Variants in STXBP5L observed in about 807,000 individuals in gnomAD.
The protein encoded by STXBP5L is syntaxin binding protein 5L.
STXBP5L carries 65 observed loss-of-function variants against 144.5 expected under a neutral mutation model. The observed-to-expected ratio is 0.45, with a 90% CI of 0.37 to 0.55. STXBP5L has a LOEUF of 0.55. STXBP5L is among the 20% of genes least tolerant of loss of function. The pLI is 0.00. For synonymous variants in STXBP5L, 505 were observed against 469.6 expected (o/e 1.08, Z -0.97); for missense variants, 1,298 against 1,405.5 (o/e 0.92, Z 1.22).
At chr3:121,312,179 T>C (rs1204630431) in intron 19 of STXBP5L, among the ~76,000 whole-genome samples, 2 of 152,110 alleles carry the variant, frequency 1.3e-5, no homozygotes, top group African/African-American at 2.4e-5. Flanking sequence ...TTACACCTTA[T>C]ATAAAAATTA....
chr3:120,963,580 A>G (rs186199493), intron 3 of STXBP5L, among the ~76,000 whole-genome samples: 9 of 152,206 alleles, frequency 5.9e-5, no homozygotes, highest in African/African-American at 2.2e-4. Flanking sequence ...ATGTTTATTG[A>G]TTTGCATATG....
chr3:121,381,217 T>TTA, intron 21 of STXBP5L, 76 bp from the exon 22 acceptor site: 2 of 1,390,760 alleles, frequency 1.4e-6, no homozygotes, highest in Non-Finnish European at 1.9e-6. Context: ...TAATTTTGAT[T>TTA]TATATATATT....
At chr3:120,964,293 A>T (rs537173494) in intron 3 of STXBP5L, among the ~76,000 whole-genome samples, 1 of 151,958 alleles carries the variant, frequency 6.6e-6, no homozygotes, top group Non-Finnish European at 1.5e-5. Flanking sequence ...CTCTGATCTT[A>T]GTTATTTCTT....
chr3:121,113,243 C>T (rs893708852), intron 5 of STXBP5L, among the ~76,000 whole-genome samples: 1 of 152,000 alleles, frequency 6.6e-6, no homozygotes, highest in Non-Finnish European at 1.5e-5. Flanking sequence ...ATATTTATGT[C>T]TTCTTTAATG....
intron 18 of STXBP5L, among the ~76,000 whole-genome samples, chr3:121,275,693 T>G (rs2050859906): frequency 1.3e-5 from 2 of 152,154 alleles, no homozygotes. Flanking sequence ...TTGGTTTTCA[T>G]GAATTTTGAA....
At chr3:120,912,727 C>T (rs1300027654) in intron 2 of STXBP5L, among the ~76,000 whole-genome samples, 1 of 151,862 alleles carries the variant, frequency 6.6e-6, no homozygotes, top group Non-Finnish European at 1.5e-5. Context: ...CATGAACTGC[C>T]TTTCCTGAAC....
chr3:121,153,528 T>G (rs2046004743), intron 8 of STXBP5L, among the ~76,000 whole-genome samples: 1 of 152,006 alleles, frequency 6.6e-6, no homozygotes, highest in African/African-American at 2.4e-5. Context: ...TTTAGAACAC[T>G]TCCTTATTTT....
intron 18 of STXBP5L, among the ~76,000 whole-genome samples, chr3:121,268,966 C>T (rs2050658017): frequency 6.6e-6 from 1 of 152,102 alleles, no homozygotes; most frequent in Non-Finnish European, 1.5e-5. Flanking sequence ...AGGTCTTTAT[C>T]ATTCTTCTTC....
chr3:121,422,226 G>A lies in STXBP5L; in HGVS notation c.*3129G>A, dbSNP rs570818948. 6 of 151,874 alleles carry A rather than the reference G, an allele frequency of 4.0e-5. No individual in the cohort carries two copies. Among genetic ancestry groups the A allele is most frequent in the South Asian group, 4.2e-4 (2 of 4,790 alleles). 9.4% of individuals were successfully genotyped at this position (151,874 alleles called of 1,614,324 possible). ...ATCTTTACTATCTTTCTTCTATTTC[G>A]GAACATAAGAAAAATACTCCTAATA... On this transcript the variant is annotated 3_prime_UTR_variant, in exon 27 of 27. Coordinates refer to ENST00000471454, the MANE Select transcript of STXBP5L (RefSeq NM_001308330.2).
intron 20 of STXBP5L, among the ~76,000 whole-genome samples, chr3:121,345,661 C>A (rs543206887): frequency 6.6e-6 from 1 of 152,094 alleles, no homozygotes; most frequent in Non-Finnish European, 1.5e-5. Flanking sequence ...CACATCCTCT[C>A]CAGCATCTGT....
intron 3 of STXBP5L, among the ~76,000 whole-genome samples, chr3:121,011,096 A>T (rs1390469894): frequency 2.0e-5 from 3 of 149,108 alleles, no homozygotes; most frequent in Admixed American, 1.4e-4. Flanking sequence ...GAGTTTCAGG[A>T]CTGCTTTCTT....
rs1708724822 is a variant in STXBP5L, at chr3:120,909,681, G to C, written c.103G>C (p.Gly35Arg). 1.2e-6 allele frequency: 2 copies of C among 1,612,970 alleles called. No individual in the cohort carries two copies. Among genetic ancestry groups the C allele is most frequent in the Non-Finnish European group, 1.7e-6 (2 of 1,179,704 alleles). ...GSNSGGGAGS[G>R]SVHPAGTAGV... Reference sequence around the variant, plus strand: ...TAACAGTGGTGGTGGGGCTGGAAGTGGTTCCGTACATCCGGCGGGGACTGC... The same window carrying C: ...TAACAGTGGTGGTGGGGCTGGAAGTCGTTCCGTACATCCGGCGGGGACTGC... The change falls in exon 2 of 27, where the codon GGT becomes CGT. Residue 35 changes from glycine (G) to arginine (R), a missense_variant. Gly to Arg is a moderately radical substitution (Grantham distance 125). Transcript: ENST00000471454.
intron 5 of STXBP5L, chr3:121,099,894 G>A (rs1443731087): frequency 1.3e-5 from 2 of 152,102 alleles, no homozygotes; most frequent in Non-Finnish European, 2.9e-5. Flanking sequence ...AGGCTCAAAG[G>A]AAAGGGTTGG....
At chr3:121,140,895 A>G (rs1411304535) in intron 7 of STXBP5L, among the ~76,000 whole-genome samples, 1 of 151,868 alleles carries the variant, frequency 6.6e-6, no homozygotes, top group African/African-American at 2.4e-5. Flanking sequence ...ATGTTATGTG[A>G]TCTTATCACA....
At chr3:121,216,905 C>T (rs2048797096) in intron 10 of STXBP5L, among the ~76,000 whole-genome samples, 1 of 151,514 alleles carries the variant, frequency 6.6e-6, no homozygotes, top group Admixed American at 6.6e-5. Flanking sequence ...CTAGGGAAGC[C>T]CTCTGGCTAC....
chr3:120,938,213 A>T (rs1710368427), intron 2 of STXBP5L, among the ~76,000 whole-genome samples: 1 of 152,102 alleles, frequency 6.6e-6, no homozygotes, highest in African/African-American at 2.4e-5. Flanking sequence ...TCTTCTTGGT[A>T]ATATTTCTAC....
chr3:121,214,127 A>G (rs556133770), intron 10 of STXBP5L, among the ~76,000 whole-genome samples: 3 of 152,076 alleles, frequency 2.0e-5, no homozygotes, highest in Non-Finnish European at 4.4e-5. Flanking sequence ...CTAGTTGTCT[A>G]TGTATTTTGT....
At chr3:121,199,075 A>G (rs1477397519) in intron 9 of STXBP5L, among the ~76,000 whole-genome samples, 2 of 152,216 alleles carry the variant, frequency 1.3e-5, no homozygotes, top group African/African-American at 2.4e-5. Context: ...TACTTTGAAC[A>G]GTATGGCCAT....
rs114067282 is a variant in STXBP5L, at chr3:121,081,931, C to G, written c.471-32994C>G. Among the ~76,000 whole-genome samples, 1,382 of 152,310 alleles carry G rather than the reference C, an allele frequency of 9.1e-3. 30 individuals are homozygous for G. The highest frequency in any genetic ancestry group is 0.031 in the African/African-American group (1,269 of 41,574). On this transcript the variant is annotated intron_variant, in intron 5 of 26. Coordinates refer to ENST00000471454, the MANE Select transcript of STXBP5L (RefSeq NM_001308330.2). ...GTTCTGGCTGTTCAAATCAGACAGG[C>G]TGTATGGGTCTATTTCAAGATTCTT...
Sources: allele counts gnomAD v4.1 joint callset (sites outside exome capture counted in the v4.1 genomes callset), GRCh38; gene constraint gnomAD v4.1.1; transcripts MANE v1.5; gene names NCBI Gene and HGNC (gene_info 2026-07-23, HGNC 2026-07-21).